The following AKAP6 variants were observed in gnomAD, a reference collection of about 807,000 sequenced individuals.
AKAP6 encodes the protein A-kinase anchoring protein 6.
In AKAP6, 58 loss-of-function variants were observed where a neutral mutation model predicts 188.5. The observed-to-expected ratio is 0.31, with a 90% CI of 0.25 to 0.38. The LOEUF is 0.38. Among genes scored for constraint, AKAP6 ranks in the 10% least tolerant of loss-of-function variants. The pLI, the probability that AKAP6 is intolerant of heterozygous loss-of-function variation, is 1.00. For synonymous variants in AKAP6, 989 were observed against 998.6 expected (o/e 0.99, Z 0.18); for missense variants, 2,710 against 2,740.0 (o/e 0.99, Z 0.24).
intron 2 of AKAP6, among the ~76,000 whole-genome samples, chr14:32,530,865 G>T (rs930520910): frequency 1.3e-5 from 2 of 151,970 alleles, no homozygotes; most frequent in Non-Finnish European, 2.9e-5. Flanking sequence ...TCTCACATAA[G>T]CATACAACCC....
intron 4 of AKAP6, among the ~76,000 whole-genome samples, chr14:32,555,490 T>A (rs938364077): frequency 6.6e-6 from 1 of 152,194 alleles, no homozygotes; most frequent in East Asian, 1.9e-4. Flanking sequence ...ATCTTAACCA[T>A]TTTTTAAGTG....
intron 12 of AKAP6, among the ~76,000 whole-genome samples, chr14:32,807,768 A>G (rs2034127298): frequency 6.6e-6 from 1 of 152,208 alleles, no homozygotes; most frequent in Admixed American, 6.5e-5. Flanking sequence ...ACTTTCACTC[A>G]CCTCGTGAAA....
intron 12 of AKAP6, among the ~76,000 whole-genome samples, chr14:32,776,253 A>G (rs893122006): frequency 3.9e-5 from 6 of 152,174 alleles, no homozygotes; most frequent in Non-Finnish European, 8.8e-5. Flanking sequence ...CCTAGATGTT[A>G]TGGGAGGGAC....
intron 12 of AKAP6, among the ~76,000 whole-genome samples, chr14:32,799,853 A>G (rs1372102054): frequency 2.0e-5 from 3 of 151,908 alleles, no homozygotes; most frequent in African/African-American, 7.2e-5. Flanking sequence ...GTTCAGTTCA[A>G]CTATGTACCT....
At chr14:32,657,133 A>G (rs1888486864) in intron 7 of AKAP6, among the ~76,000 whole-genome samples, 1 of 152,126 alleles carries the variant, frequency 6.6e-6, no homozygotes, top group Admixed American at 6.6e-5. Context: ...ATCCTGCATG[A>G]TCTCCTGGGA....
At chr14:32,534,914 G>A (rs1414621491) in intron 2 of AKAP6, among the ~76,000 whole-genome samples, 2 of 146,004 alleles carry the variant, frequency 1.4e-5, no homozygotes, top group Middle Eastern at 3.5e-3. Context: ...GCAGTGAGCT[G>A]AGATTGCGCC....
rs567120414 is a variant in AKAP6, at chr14:32,619,984, G to C, written c.2730+19192G>C. On this transcript the variant is annotated intron_variant, in intron 7 of 13. Transcript: ENST00000280979. Reference sequence around the variant, plus strand: ...AGTTCTTGATTTGATTCTCAGCTTGGCCATTGTTGGTGTATAGTGGTGCTA... The same window carrying C: ...AGTTCTTGATTTGATTCTCAGCTTGCCCATTGTTGGTGTATAGTGGTGCTA... 1.1e-4 allele frequency among the ~76,000 whole-genome samples: 17 copies of C among 152,120 alleles called. No individual in the cohort carries two copies. The South Asian group carries it at 2.7e-3, about 24-fold the overall frequency.
At chr14:32,785,805 C>G (rs2033383524) in intron 12 of AKAP6, among the ~76,000 whole-genome samples, 1 of 152,046 alleles carries the variant, frequency 6.6e-6, no homozygotes, top group South Asian at 2.1e-4. Context: ...GAATGCTATA[C>G]TTATTTGGAC....
chr14:32,579,978 C>T (rs1028911527), intron 5 of AKAP6, among the ~76,000 whole-genome samples: 4 of 152,076 alleles, frequency 2.6e-5, no homozygotes, highest in African/African-American at 9.7e-5. Flanking sequence ...ATATGCAAGC[C>T]TCTAGGGTCT....
chr14:32,331,150 C>T (rs1322401834), intron 1 of AKAP6, among the ~76,000 whole-genome samples: 2 of 151,958 alleles, frequency 1.3e-5, no homozygotes. Context: ...AGTATTATTT[C>T]TGAAGAAGAG....
At chr14:32,663,933 G>A (rs974374973) in intron 7 of AKAP6, among the ~76,000 whole-genome samples, 4 of 152,202 alleles carry the variant, frequency 2.6e-5, no homozygotes, top group Non-Finnish European at 5.9e-5. Flanking sequence ...TTGTTGAAAT[G>A]TGTCTGCTTT....
intron 7 of AKAP6, among the ~76,000 whole-genome samples, chr14:32,622,265 A>G (rs1472725979): frequency 1.3e-5 from 2 of 152,178 alleles, no homozygotes; most frequent in African/African-American, 4.8e-5. Context: ...GAGCTTTCAA[A>G]TAAACTATAA....
At chr14:32,571,220 T>C (rs1884470858) in intron 4 of AKAP6, among the ~76,000 whole-genome samples, 1 of 152,026 alleles carries the variant, frequency 6.6e-6, no homozygotes, top group Non-Finnish European at 1.5e-5. Context: ...CTGACTTTTT[T>C]TTTTTTTAAT....
intron 2 of AKAP6, among the ~76,000 whole-genome samples, chr14:32,444,116 AC>A: frequency 6.6e-6 from 1 of 152,320 alleles, no homozygotes. Flanking sequence ...AAAGACACCC[AC>A]AAATAAAGCA....
chr14:32,792,274 G>T (rs923490537), intron 12 of AKAP6, among the ~76,000 whole-genome samples: 2 of 152,098 alleles, frequency 1.3e-5, no homozygotes, highest in African/African-American at 2.4e-5. Context: ...TTTTCCATTT[G>T]TTTGTGTCCT....
intron 7 of AKAP6, among the ~76,000 whole-genome samples, chr14:32,627,794 A>AT (rs1457399360): frequency 9.2e-5 from 14 of 152,204 alleles, no homozygotes; most frequent in Non-Finnish European, 2.9e-5. Context: ...TTAGAAAGAG[A>AT]TCTAGAAAGC....
chr14:32,555,431 T>G (rs1375941324), intron 4 of AKAP6, among the ~76,000 whole-genome samples: 1 of 152,234 alleles, frequency 6.6e-6, no homozygotes, highest in Admixed American at 6.5e-5. Flanking sequence ...TATCATGTCC[T>G]TCTGAGTTTT....
rs150826580 is a variant in AKAP6 at position 32,350,462 on chromosome 14, A to G, written c.-35+21054A>G. ...AGAAACAAGGAAAGCCTAAAAGGCTATTATAGACCAGAGGAGACTAAGGAC... is the reference window on the plus strand; with the variant it reads ...AGAAACAAGGAAAGCCTAAAAGGCTGTTATAGACCAGAGGAGACTAAGGAC... On this transcript the variant is annotated intron_variant, in intron 1 of 13. Transcript: ENST00000280979. Among the ~76,000 whole-genome samples the G allele has an allele frequency of 4.2e-3, 638 of 152,312 alleles. 8 individuals are homozygous for G. Among genetic ancestry groups the G allele is most frequent in the African/African-American group, 0.013 (539 of 41,578 alleles).
At chr14:32,696,679 A>C (rs141103015) in intron 9 of AKAP6, among the ~76,000 whole-genome samples, 23 of 152,308 alleles carry the variant, frequency 1.5e-4, no homozygotes, top group Middle Eastern at 3.4e-3. Context: ...CAATCCATCT[A>C]ATAACTATCT....
Sources: allele counts gnomAD v4.1 joint callset (sites outside exome capture counted in the v4.1 genomes callset), GRCh38; gene constraint gnomAD v4.1.1; transcripts MANE v1.5; gene names NCBI Gene and HGNC (gene_info 2026-07-23, HGNC 2026-07-21).